The following LRRC37A2 variants were observed in gnomAD, a reference collection of about 807,000 sequenced individuals.
The protein encoded by LRRC37A2 is leucine rich repeat containing 37 member A2.
LRRC37A2 carries 9 observed loss-of-function variants against 68.8 expected under a neutral mutation model. The ratio of observed to expected loss-of-function variants is 0.13; its 90% confidence interval spans 0.08 to 0.23. LRRC37A2 has a LOEUF of 0.23. Ranked by LOEUF, LRRC37A2 falls within the 10% of genes least tolerant of loss-of-function variation. The probability of loss-of-function intolerance (pLI) is 1.00; values close to 1 mark genes in which losing one functional copy is unlikely to be tolerated. For missense variants in LRRC37A2, 168 were observed against 950.4 expected, an observed-to-expected ratio of 0.18 and a Z score of 10.82; for synonymous variants, 63 against 367.6, an observed-to-expected ratio of 0.17 and a Z score of 9.48.
the LRRC37A2 span, among the ~76,000 whole-genome samples, chr17:46,767,487 G>A: frequency 9.9e-5 from 15 of 152,190 alleles, no homozygotes; most frequent in Non-Finnish European, 1.5e-4. Flanking sequence ...CTCAGGGGTA[G>A]AGGAGACATT....
chr17:46,939,511 CTG>C, the LRRC37A2 span: 1 of 985,880 alleles, frequency 1.0e-6, no homozygotes, highest in Non-Finnish European at 1.2e-6. Context: ...GGTTCAGAGA[CTG>C]TGGCTTGGCA....
the LRRC37A2 span, among the ~76,000 whole-genome samples, chr17:46,708,491 C>CTT: frequency 6.4e-4 from 80 of 124,846 alleles, no homozygotes; most frequent in Non-Finnish European, 8.1e-4. Context: ...GTTACATATC[C>CTT]TTTTTTTTTT....
chr17:46,710,820 A>G, the LRRC37A2 span: 1 of 667,634 alleles, frequency 1.5e-6, no homozygotes, highest in Non-Finnish European at 2.3e-6. Context: ...GAAATTATAC[A>G]AGTTGTTTTG....
At chr17:46,635,777 A>ATTGTGTG in the LRRC37A2 span, among the ~76,000 whole-genome samples, 3 of 116,796 alleles carry the variant, frequency 2.6e-5, no homozygotes, top group East Asian at 2.0e-4. Flanking sequence ...GGGAAAATAA[A>ATTGTGTG]TGTGTGTGTG....
In LRRC37A2 at chr17:46,525,536, G is replaced by A. The variant is rs1370580233; in HGVS notation, c.2906+1652G>A. Among the ~76,000 whole-genome samples, 2 of 111,412 alleles carry A rather than the reference G, an allele frequency of 1.8e-5. 1 individual carries two copies. The highest frequency in any genetic ancestry group is 6.4e-5 in the African/African-American group (2 of 31,384). The allele number at this position is 111,412 out of a possible 152,430, so 73.1% of individuals were successfully genotyped here. A position where few individuals can be genotyped will look rare whatever the true frequency, so the allele number is the denominator to read the frequency against. On this transcript the variant is annotated intron_variant, in intron 6 of 14. Coordinates refer to ENST00000576629, the Ensembl canonical transcript of LRRC37A2. ...CAGGAGGCGGAGGTTGCAGTGAGCC[G>A]AGATGGCACCATTGCACTCCAGCCT...
chr17:46,906,538 T>C, the LRRC37A2 span, among the ~76,000 whole-genome samples: 3 of 152,230 alleles, frequency 2.0e-5, no homozygotes, highest in Non-Finnish European at 4.4e-5. Flanking sequence ...TCCTCATGCC[T>C]CAGCCTCCTG....
chr17:46,978,287 C>A, the LRRC37A2 span: 1 of 307,848 alleles, frequency 3.2e-6, no homozygotes, highest in Non-Finnish European at 5.9e-6. Context: ...TCCGAACCCA[C>A]CCGCACCAAC....
the LRRC37A2 span, among the ~76,000 whole-genome samples, chr17:46,859,147 T>C: frequency 2.0e-5 from 3 of 152,076 alleles, no homozygotes; most frequent in Non-Finnish European, 4.4e-5. Context: ...TAGCTAATTT[T>C]GTATTTTTAG....
the LRRC37A2 span, chr17:46,936,781 G>GA: frequency 2.0e-4 from 193 of 962,640 alleles, no homozygotes; most frequent in South Asian, 2.4e-4. Context: ...CTATCTCGGG[G>GA]AAAAAAAAAT....
At chr17:46,735,916 T>C in the LRRC37A2 span, among the ~76,000 whole-genome samples, 2 of 152,104 alleles carry the variant, frequency 1.3e-5, no homozygotes, top group Admixed American at 6.5e-5. Context: ...CTGCACTCCA[T>C]CCTGGGTGGA....
the LRRC37A2 span, among the ~76,000 whole-genome samples, chr17:46,728,498 G>C: frequency 2.6e-5 from 4 of 151,884 alleles, no homozygotes; most frequent in Admixed American, 2.6e-4. Context: ...GTGGGATTAT[G>C]GCAACCTATA....
the LRRC37A2 span, among the ~76,000 whole-genome samples, chr17:46,994,343 C>A: frequency 1.3e-5 from 2 of 150,708 alleles, no homozygotes; most frequent in Non-Finnish European, 2.9e-5. Flanking sequence ...TGAGATCATG[C>A]CATTACACTC....
chr17:46,847,901 A>G, the LRRC37A2 span, among the ~76,000 whole-genome samples: 1,265 of 152,186 alleles, frequency 8.3e-3, 17 homozygotes, highest in African/African-American at 0.028. Flanking sequence ...GTCTGCAGAC[A>G]TCCTGGAGCT....
At chr17:46,826,324 G>A in the LRRC37A2 span, among the ~76,000 whole-genome samples, 1 of 152,238 alleles carries the variant, frequency 6.6e-6, no homozygotes, top group Non-Finnish European at 1.5e-5. Context: ...AGGCCCAGTG[G>A]GCTGGGAATG....
chr17:46,719,580 A>G, the LRRC37A2 span, among the ~76,000 whole-genome samples: 1 of 152,174 alleles, frequency 6.6e-6, no homozygotes. The surrounding 1 kb of genome is among the most constrained non-coding windows in gnomAD (Gnocchi z 4.3). Context: ...GGTATACCAT[A>G]TGTTCCATTA....
the LRRC37A2 span, among the ~76,000 whole-genome samples, chr17:46,798,831 C>T: frequency 6.6e-6 from 1 of 152,064 alleles, no homozygotes; most frequent in East Asian, 1.9e-4. Flanking sequence ...GGGTGGATCA[C>T]GAGGTCAGGA....
chr17:46,488,209 A>G, the LRRC37A2 span, among the ~76,000 whole-genome samples: 1 of 24,728 alleles, frequency 4.0e-5, no homozygotes, highest in East Asian at 5.1e-4. Flanking sequence ...TGAACTGCAT[A>G]TCTGAGGGAT....
the LRRC37A2 span, among the ~76,000 whole-genome samples, chr17:46,750,570 CAGTT>C: frequency 6.6e-6 from 1 of 152,098 alleles, no homozygotes; most frequent in Non-Finnish European, 1.5e-5. Context: ...CCTGTACCTC[CAGTT>C]GTTTTCAGGA....
the LRRC37A2 span, chr17:47,018,032 G>A: frequency 4.0e-6 from 6 of 1,500,480 alleles, no homozygotes; most frequent in Non-Finnish European, 5.6e-6. Context: ...ATCATGAGGT[G>A]TCAGTTCAAC....
Sources: gnomAD v4.1 joint callset for allele counts (sites outside exome capture counted in the v4.1 genomes callset) on GRCh38, gnomAD v4.1.1 for gene constraint, Gnocchi (gnomAD v3.1) non-coding constraint, MANE v1.5 for transcripts, NCBI Gene and HGNC (gene_info 2026-07-23, HGNC 2026-07-21) for gene names.